Variants in ITGA1 observed in about 807,000 individuals in gnomAD.
The protein encoded by ITGA1 is integrin subunit alpha 1.
ITGA1 carries 85 observed loss-of-function variants against 145.9 expected under a neutral mutation model. That is an observed-to-expected ratio of 0.58 (90% CI 0.49 to 0.70). The LOEUF is 0.70. Ranked by LOEUF, ITGA1 falls within the 30% of genes least tolerant of loss-of-function variation. The pLI is 0.00. For synonymous variants in ITGA1, 520 were observed against 495.3 expected, an observed-to-expected ratio of 1.05 and a Z score of -0.66; for missense variants, 1,351 against 1,418.7, an observed-to-expected ratio of 0.95 and a Z score of 0.77.
intron 1 of ITGA1, among the ~76,000 whole-genome samples, chr5:52,841,893 T>C (rs1749258839): frequency 6.6e-6 from 1 of 151,366 alleles, no homozygotes; most frequent in African/African-American, 2.5e-5. Flanking sequence ...CCAGGAGGCT[T>C]TGGCAAGAGG....
At chr5:52,867,438 G>A (rs899550613) in intron 6 of ITGA1, among the ~76,000 whole-genome samples, 2 of 152,274 alleles carry the variant, frequency 1.3e-5, no homozygotes, top group Middle Eastern at 3.4e-3. Context: ...TTCCCTGGAA[G>A]TGACTTATTT....
At chr5:52,836,983 G>A (rs1749171168) in intron 1 of ITGA1, among the ~76,000 whole-genome samples, 1 of 152,006 alleles carries the variant, frequency 6.6e-6, no homozygotes, top group African/African-American at 2.4e-5. Flanking sequence ...ATATCAAATA[G>A]CAATGTGCCC....
chr5:52,918,573 A>G (rs759886620), intron 15 of ITGA1, among the ~76,000 whole-genome samples, 159 bp from the exon 16 acceptor site: 1 of 152,188 alleles, frequency 6.6e-6, no homozygotes, highest in African/African-American at 2.4e-5. Context: ...ATCAGATATA[A>G]TCTCTTCTGT....
chr5:52,842,393 G>C (rs1425233440), intron 1 of ITGA1, among the ~76,000 whole-genome samples: 6 of 152,130 alleles, frequency 3.9e-5, no homozygotes, highest in Non-Finnish European at 1.5e-5. Flanking sequence ...TGAATCTGCT[G>C]TCTCATCCCC....
At chr5:52,871,854 T>G (rs549605907) in intron 6 of ITGA1, among the ~76,000 whole-genome samples, 3 of 152,312 alleles carry the variant, frequency 2.0e-5, no homozygotes, top group South Asian at 4.1e-4. Flanking sequence ...TAAAATTGCC[T>G]TTTAAAAATC....
intron 20 of ITGA1, 89 bp from the exon 21 acceptor site, chr5:52,929,536 G>T: frequency 1.5e-6 from 1 of 680,558 alleles, no homozygotes; most frequent in South Asian, 1.7e-5. Flanking sequence ...TTCATAATTT[G>T]AGTTTAGGTA....
chr5:52,834,582 A>G (rs1749129537), intron 1 of ITGA1, among the ~76,000 whole-genome samples: 1 of 149,764 alleles, frequency 6.7e-6, no homozygotes, highest in Non-Finnish European at 1.5e-5. Context: ...AGAAAGAAAG[A>G]AAGAGAGAGA....
intron 1 of ITGA1, among the ~76,000 whole-genome samples, chr5:52,795,007 A>C (rs1748314027): frequency 6.6e-6 from 1 of 152,028 alleles, no homozygotes; most frequent in Non-Finnish European, 1.5e-5. Context: ...CAAATATTGA[A>C]ATAGGCTTAT....
rs1751289019 is a variant in ITGA1, at chr5:52,955,372, GATA to G, written c.*2922_*2924del. The G allele has an allele frequency of 1.3e-5, 2 of 151,696 alleles. No individual in the cohort carries two copies. The highest frequency in any genetic ancestry group is 2.9e-5 in the Non-Finnish European group (2 of 67,950). 9.4% of individuals were successfully genotyped at this position (151,696 alleles called of 1,614,324 possible). On this transcript the variant is annotated 3_prime_UTR_variant, in exon 29 of 29. Coordinates refer to ENST00000282588, the MANE Select transcript of ITGA1 (RefSeq NM_181501.2). The stretch of plus-strand genomic sequence containing the variant: ...AGATAGATAGATAGATAGATAGATA[GATA>G]GATAGATAGATAGATAGATATTGAT...
At position 52,887,944 on chromosome 5, in the gene ITGA1, C is replaced by T; in HGVS notation, c.903C>T (p.Asn301=). The T allele has an allele frequency of 1.1e-5, 17 of 1,613,376 alleles. No homozygotes were observed. The highest frequency in any genetic ancestry group is 1.4e-5 in the Non-Finnish European group (17 of 1,179,556). Residue 301 remains asparagine, a synonymous_variant, in exon 8 of 29, where the codon AAC becomes AAT. Transcript: ENST00000282588. ...TCATCCAAGACTGTGAAGATGAAAACATTCAACGGTTTTCCATAGCTGTAA... is the reference window on the plus strand; with the variant it reads ...TCATCCAAGACTGTGAAGATGAAAATATTCAACGGTTTTCCATAGCTGTAA... ...KKVIQDCEDE[N]IQRFSIAILG...
intron 6 of ITGA1, among the ~76,000 whole-genome samples, chr5:52,867,531 T>A (rs562034303): frequency 6.6e-6 from 1 of 152,266 alleles, no homozygotes; most frequent in South Asian, 2.1e-4. Flanking sequence ...CAGGGCAGCC[T>A]GCATCTTAAC....
chr5:52,805,721 A>C (rs917845152), intron 1 of ITGA1, among the ~76,000 whole-genome samples: 2 of 152,102 alleles, frequency 1.3e-5, no homozygotes, highest in African/African-American at 4.8e-5. Context: ...CCAATCAGTT[A>C]CTGCTAGCGG....
intron 28 of ITGA1, among the ~76,000 whole-genome samples, chr5:52,948,054 GT>G (rs1011100787): frequency 6.6e-6 from 1 of 152,140 alleles, no homozygotes; most frequent in Non-Finnish European, 1.5e-5. Flanking sequence ...TTCAAATTCT[GT>G]GGTAAATGTG....
intron 1 of ITGA1, among the ~76,000 whole-genome samples, chr5:52,794,338 T>C (rs1748298028): frequency 6.6e-6 from 1 of 151,976 alleles, no homozygotes; most frequent in South Asian, 2.1e-4. Flanking sequence ...TAAATGTACT[T>C]TCAAAATTAT....
intron 1 of ITGA1, among the ~76,000 whole-genome samples, chr5:52,840,597 C>T (rs1259840625): frequency 6.6e-6 from 1 of 152,092 alleles, no homozygotes; most frequent in Non-Finnish European, 1.5e-5. Flanking sequence ...GAGGAGCTGG[C>T]AAAGCAGGCA....
intron 1 of ITGA1, among the ~76,000 whole-genome samples, chr5:52,844,030 T>C (rs987321252): frequency 4.6e-5 from 7 of 152,176 alleles, no homozygotes; most frequent in Admixed American, 4.6e-4. Flanking sequence ...CACTTAGTTT[T>C]CTTACATATC....
intron 12 of ITGA1, among the ~76,000 whole-genome samples, chr5:52,907,383 T>C (rs1432387122): frequency 6.6e-6 from 1 of 152,200 alleles, no homozygotes; most frequent in Non-Finnish European, 1.5e-5. Context: ...TTGACAATAG[T>C]AAAATGAAGC....
Position 52,811,046 on chromosome 5 carries a change from G to A in ITGA1, c.61+22632G>A, listed in dbSNP as rs552177482. ...AGCTTTCACATCTGTATGAAATTTA[G>A]GACTTTGCAAAGGATGTTGCACACC... On this transcript the variant is annotated intron_variant, in intron 1 of 28. Transcript: ENST00000282588. Among the ~76,000 whole-genome samples, 92 of 152,264 alleles carry A rather than the reference G, an allele frequency of 6.0e-4. 1 individual carries two copies. The highest frequency in any genetic ancestry group is 2.1e-3 in the African/African-American group (88 of 41,530).
intron 18 of ITGA1, among the ~76,000 whole-genome samples, chr5:52,923,638 G>A (rs1304266243): frequency 6.6e-6 from 1 of 152,114 alleles, no homozygotes; most frequent in Non-Finnish European, 1.5e-5. Context: ...AAAAGAATTA[G>A]GCTCTTCTAG....
Sources: gnomAD v4.1 joint callset for allele counts (sites outside exome capture counted in the v4.1 genomes callset) on GRCh38, gnomAD v4.1.1 for gene constraint, MANE v1.5 for transcripts, NCBI Gene and HGNC (gene_info 2026-07-23, HGNC 2026-07-21) for gene names.